DEFA5: variants seen among roughly 807,000 people sequenced by gnomAD.
The protein encoded by DEFA5 is HD5(20-94).
In DEFA5, 11 loss-of-function variants were observed where a neutral mutation model predicts 8.7. The ratio of observed to expected loss-of-function variants is 1.26; its 90% CI spans 0.80 to 2.09. The LOEUF (loss-of-function observed/expected upper bound fraction) is 2.09, where lower values mean the gene tolerates loss of function less well. DEFA5 is among the 30% of genes most tolerant of loss of function. DEFA5 has a pLI of 0.00. For synonymous variants in DEFA5, 52 were observed against 43.9 expected (o/e 1.18, Z -0.73); for missense variants, 181 against 117.2 (o/e 1.54, Z -2.52).
chr8:7,056,014 CTTTTTTTT>C (rs56220551), intron 1 of DEFA5, among the ~76,000 whole-genome samples: 190 of 112,944 alleles, frequency 1.7e-3, no homozygotes, highest in Middle Eastern at 5.1e-3. Context: ...TCTGTCTCTC[CTTTTTTTT>C]TTTTTTTTTT....
chr8:7,056,528 G>T lies in DEFA5; in HGVS notation c.170C>A (p.Ser57Ter). 4 of 1,607,290 alleles carry T rather than the reference G, an allele frequency of 2.5e-6. No individual in the cohort carries two copies. The highest frequency in any genetic ancestry group is 3.4e-6 in the Non-Finnish European group (4 of 1,174,898). The change falls in exon 1 of 2, where the codon TCA becomes TAA. Residue 57 changes from serine to a stop codon, truncating the protein, a stop_gained and splice_region_variant. Coordinates refer to ENST00000330590, the MANE Select transcript of DEFA5 (RefSeq NM_021010.3). LOFTEE classifies it high-confidence loss of function. ...TGTGCAAGATTGATGTCTCCTACCT[G>T]AGGTTCTAAGAGCAGAGAGTCCATT... Reference protein sequence around the residue: ...AGNGLSALRTSGSQARATCYC... With the variant: ...AGNGLSALRT
Position 7,055,425 on chromosome 8 carries a change from G to C in DEFA5, c.*6C>G. The C allele has an allele frequency of 6.2e-7, 1 of 1,611,382 alleles. No individual in the cohort carries two copies. Among genetic ancestry groups the C allele is most frequent in the Non-Finnish European group, 8.5e-7 (1 of 1,178,096 alleles). On this transcript the variant is annotated 3_prime_UTR_variant, in exon 2 of 2. Coordinates refer to ENST00000330590, the MANE Select transcript of DEFA5 (RefSeq NM_021010.3). ...CTTGCACTGCTTTGGTTTCTATCTA[G>C]GAAGCTCAGCGACAGCAGAGTCTGT...
chr8:7,056,575 G>A lies in DEFA5; in HGVS notation c.123C>T (p.Asp41=). The part of the protein sequence containing the change: ...TQKQSGEDNQ[D]LAISFAGNGL... ...CATTTCCTGCAAAGGAGATAGCAAG[G>A]TCCTGGTTGTCTTCCCCAGACTGCT... The change falls in exon 1 of 2, where the codon GAC becomes GAT. Residue 41 remains aspartate, a synonymous_variant. Coordinates refer to ENST00000330590, the MANE Select transcript of DEFA5 (RefSeq NM_021010.3). 1 of 1,614,052 alleles carries A rather than the reference G, an allele frequency of 6.2e-7. No homozygotes were observed. Among genetic ancestry groups the A allele is most frequent in the Non-Finnish European group, 8.5e-7 (1 of 1,179,920 alleles).
At chr8:7,055,678 C>A in intron 1 of DEFA5, 135 bp from the exon 2 acceptor site, 3 of 642,440 alleles carry the variant, frequency 4.7e-6, no homozygotes, top group Non-Finnish European at 8.3e-6. Context: ...ATGTCTTTGT[C>A]GTAAGTGACA....
At chr8:7,056,207 T>C (rs1396126325) in intron 1 of DEFA5, among the ~76,000 whole-genome samples, 2 of 152,130 alleles carry the variant, frequency 1.3e-5, no homozygotes, top group African/African-American at 2.4e-5. Context: ...TAAAAGCTTT[T>C]CCAATGGACA....
At position 7,056,676 on chromosome 8, in the gene DEFA5, C is replaced by T. The variant is rs1170073525; in HGVS notation, c.22G>A (p.Ala8Thr). The T allele has an allele frequency of 1.9e-6, 3 of 1,612,928 alleles. No individual in the cohort carries two copies. The highest frequency in any genetic ancestry group is 2.5e-6 in the Non-Finnish European group (3 of 1,179,386). Residue 8 changes from alanine (A) to threonine (T), a missense_variant, in exon 1 of 2, where the codon GCT becomes ACT. Coordinates refer to ENST00000330590, the MANE Select transcript of DEFA5 (RefSeq NM_021010.3). Reference sequence around the variant, plus strand: ...TGCAGGGCCACCAGGAGAATGGCAGCAAGGATGGCGATGGTCCTCATGGCT... The same window carrying T: ...TGCAGGGCCACCAGGAGAATGGCAGTAAGGATGGCGATGGTCCTCATGGCT... MRTIAILAAILLVALQAQ... is the reference protein window; with the variant it reads MRTIAILTAILLVALQAQ...
chr8:7,056,474 T>G (rs1812432514), intron 1 of DEFA5, 52 bp downstream of exon 1: 3 of 1,545,746 alleles, frequency 1.9e-6, no homozygotes, highest in Non-Finnish European at 2.6e-6. Context: ...AGATCCTTTC[T>G]CCAATCCTTT....
At chr8:7,056,469 CT>C (rs1812432453) in intron 1 of DEFA5, 56 bp downstream of exon 1, 1 of 1,531,122 alleles carries the variant, frequency 6.5e-7, no homozygotes, top group Admixed American at 1.8e-5. Flanking sequence ...ACTCCAGATC[CT>C]TTCTCCAATC....
In DEFA5 at chr8:7,056,638, C is replaced by G. The variant is rs369039441; in HGVS notation, c.60G>C (p.Glu20Asp). The G allele has an allele frequency of 8.7e-6, 14 of 1,613,996 alleles. No homozygotes were observed. In the African/African-American group the frequency reaches 1.3e-4, roughly 15 times the overall value. The stretch of plus-strand genomic sequence containing the variant: ...CCTCATCAGCTCTTTCCTGGAGTGA[C>G]TCAGCCTGGGCCTGCAGGGCCACCA... Reference protein sequence around the residue: ...ILLVALQAQAESLQERADEAT... With the variant: ...ILLVALQAQADSLQERADEAT... Residue 20 changes from glutamate to aspartate, a missense_variant, in exon 1 of 2, where the codon GAG becomes GAC. Coordinates refer to ENST00000330590, the MANE Select transcript of DEFA5 (RefSeq NM_021010.3).
chr8:7,055,414 G>A lies in DEFA5; in HGVS notation c.*17C>T, dbSNP rs774863950. 1.9e-6 allele frequency: 3 copies of A among 1,602,428 alleles called. No individual in the cohort carries two copies. In the South Asian group the frequency reaches 3.3e-5, roughly 18 times the overall value. On this transcript the variant is annotated 3_prime_UTR_variant, in exon 2 of 2. Transcript: ENST00000330590. ...TTGAACTGAATCTTGCACTGCTTTG[G>A]TTTCTATCTAGGAAGCTCAGCGACA...
intron 1 of DEFA5, among the ~76,000 whole-genome samples, chr8:7,056,192 G>C (rs141831006): frequency 6.6e-6 from 1 of 152,022 alleles, no homozygotes; most frequent in Non-Finnish European, 1.5e-5. Flanking sequence ...TTCCTCTCTA[G>C]GTTCTAAAAG....
chr8:7,056,011 CTCCTTTTTT>C (rs1318307169), intron 1 of DEFA5, among the ~76,000 whole-genome samples: 1 of 80,746 alleles, frequency 1.2e-5, no homozygotes, highest in African/African-American at 4.8e-5. Flanking sequence ...TTCTCTGTCT[CTCCTTTTTT>C]TTTTTTTTTT....
chr8:7,055,413 G>C lies in DEFA5; in HGVS notation c.*18C>G, dbSNP rs1433962245. 13 of 1,598,280 alleles carry C rather than the reference G, an allele frequency of 8.1e-6. No individual in the cohort carries two copies. Among genetic ancestry groups the C allele is most frequent in the Non-Finnish European group, 1.1e-5 (13 of 1,166,772 alleles). ...CTTGAACTGAATCTTGCACTGCTTT[G>C]GTTTCTATCTAGGAAGCTCAGCGAC... On this transcript the variant is annotated 3_prime_UTR_variant, in exon 2 of 2. Coordinates refer to ENST00000330590, the MANE Select transcript of DEFA5 (RefSeq NM_021010.3).
chr8:7,056,425 A>C (rs1812431348), intron 1 of DEFA5, 101 bp downstream of exon 1: 2 of 1,189,968 alleles, frequency 1.7e-6, no homozygotes, highest in Admixed American at 4.7e-5. Context: ...GATTAAGTAA[A>C]GTCACTCAAG....
chr8:7,055,837 A>G (rs1312152981), intron 1 of DEFA5, among the ~76,000 whole-genome samples: 1 of 152,022 alleles, frequency 6.6e-6, no homozygotes, highest in Non-Finnish European at 1.5e-5. Context: ...TGCTTCATCC[A>G]CACGCCTAAT....
intron 1 of DEFA5, among the ~76,000 whole-genome samples, chr8:7,055,920 G>A (rs534783681): frequency 4.0e-5 from 6 of 151,478 alleles, no homozygotes; most frequent in Admixed American, 6.6e-5. Flanking sequence ...CTGAAATGCC[G>A]CATTGTGCAT....
At position 7,056,605 on chromosome 8, in the gene DEFA5, G is replaced by C; in HGVS notation, c.93C>G (p.Thr31=). 1.2e-6 allele frequency: 2 copies of C among 1,614,174 alleles called. No individual in the cohort carries two copies. Among genetic ancestry groups the C allele is most frequent in the Non-Finnish European group, 1.7e-6 (2 of 1,180,006 alleles). Residue 31 remains threonine, a synonymous_variant, in exon 1 of 2, where the codon ACC becomes ACG. Transcript: ENST00000330590. ...GGTTGTCTTCCCCAGACTGCTTCTG[G>C]GTTGTAGCCTCATCAGCTCTTTCCT... ...SLQERADEAT[T]QKQSGEDNQD...
At chr8:7,056,014 CTTTTTTTTTT>C (rs56220551) in intron 1 of DEFA5, among the ~76,000 whole-genome samples, 2 of 112,946 alleles carry the variant, frequency 1.8e-5, no homozygotes, top group African/African-American at 3.5e-5. Flanking sequence ...TCTGTCTCTC[CTTTTTTTTTT>C]TTTTTTTTTT....
chr8:7,056,476 C>A, intron 1 of DEFA5, 50 bp downstream of exon 1: 1 of 1,545,996 alleles, frequency 6.5e-7, no homozygotes, highest in Non-Finnish European at 8.8e-7. Context: ...ATCCTTTCTC[C>A]AATCCTTTTT....
Sources: gnomAD v4.1 joint callset for allele counts (sites outside exome capture counted in the v4.1 genomes callset) on GRCh38, gnomAD v4.1.1 for gene constraint, MANE v1.5 for transcripts, NCBI Gene and HGNC (gene_info 2026-07-23, HGNC 2026-07-21) for gene names.